GPC5: variants seen among roughly 807,000 people sequenced by gnomAD.
GPC5 encodes glypican-5.
Under a neutral mutation model 53.9 loss-of-function variants are expected in GPC5, and 47 were observed. The ratio of observed to expected loss-of-function variants is 0.87; its 90% CI spans 0.69 to 1.11. The LOEUF (loss-of-function observed/expected upper bound fraction) is 1.11. Ranked by LOEUF, GPC5 falls within the 50% of genes most tolerant of loss-of-function variation. The pLI is 0.00. For synonymous variants in GPC5, 286 were observed against 263.3 expected, an observed-to-expected ratio of 1.09 and a Z score of -0.84; for missense variants, 748 against 713.1, an observed-to-expected ratio of 1.05 and a Z score of -0.56.
At chr13:91,930,257 C>G (rs2039809093) in intron 6 of GPC5, among the ~76,000 whole-genome samples, 1 of 151,780 alleles carries the variant, frequency 6.6e-6, no homozygotes, top group East Asian at 1.9e-4. Flanking sequence ...AAAAGAACAC[C>G]AAAGAACATC....
chr13:91,547,729 C>CAACAAAAT (rs2030378345), intron 2 of GPC5, among the ~76,000 whole-genome samples: 1 of 151,972 alleles, frequency 6.6e-6, no homozygotes, highest in African/African-American at 2.4e-5. Flanking sequence ...TGCAAATCCT[C>CAACAAAAT]AACAAAATAT....
intron 7 of GPC5, among the ~76,000 whole-genome samples, chr13:92,261,962 G>A (rs2042770440): frequency 1.3e-5 from 2 of 152,088 alleles, no homozygotes; most frequent in Non-Finnish European, 2.9e-5. Context: ...GTGTGAGATA[G>A]GTATACAAAT....
intron 7 of GPC5, among the ~76,000 whole-genome samples, chr13:92,712,080 C>CA (rs746617601): frequency 1.7e-4 from 25 of 149,438 alleles, no homozygotes; most frequent in Admixed American, 1.1e-3. Context: ...AAATTTAAAA[C>CA]AAAAAATAAA....
At chr13:91,690,066 A>G (rs1410023450) in intron 2 of GPC5, among the ~76,000 whole-genome samples, 4 of 152,198 alleles carry the variant, frequency 2.6e-5, no homozygotes, top group Non-Finnish European at 4.4e-5. Flanking sequence ...TATGATGGCT[A>G]TGATGTCACT....
At chr13:92,431,244 G>T (rs1044710355) in intron 7 of GPC5, among the ~76,000 whole-genome samples, 1 of 151,996 alleles carries the variant, frequency 6.6e-6, no homozygotes, top group Non-Finnish European at 1.5e-5. Flanking sequence ...TCTCAAGAAA[G>T]TTTCATTCAA....
At chr13:91,804,360 A>G (rs2038186496) in intron 5 of GPC5, among the ~76,000 whole-genome samples, 2 of 152,318 alleles carry the variant, frequency 1.3e-5, no homozygotes, top group East Asian at 1.9e-4. Flanking sequence ...GTACTCACTC[A>G]TGGTCCTTGC....
intron 7 of GPC5, among the ~76,000 whole-genome samples, chr13:92,642,011 G>A (rs985858803): frequency 6.6e-6 from 1 of 152,026 alleles, no homozygotes; most frequent in African/African-American, 2.4e-5. Context: ...TTCAAAGCAT[G>A]TTTAACCTGT....
chr13:91,415,610 C>CTGAGTTCAAATT (rs1252843385), intron 1 of GPC5, among the ~76,000 whole-genome samples: 3 of 152,096 alleles, frequency 2.0e-5, no homozygotes, highest in Non-Finnish European at 4.4e-5. Context: ...CCATTCTTGT[C>CTGAGTTCAAATT]TGACCAATCT....
chr13:92,435,863 A>C (rs1877284959), intron 7 of GPC5, among the ~76,000 whole-genome samples: 1 of 152,218 alleles, frequency 6.6e-6, no homozygotes, highest in Non-Finnish European at 1.5e-5. Context: ...GCATTCAGGG[A>C]ATTTTAAGAC....
intron 5 of GPC5, among the ~76,000 whole-genome samples, chr13:91,884,394 A>G (rs1305716737): frequency 6.6e-6 from 1 of 152,220 alleles, no homozygotes; most frequent in African/African-American, 2.4e-5. Flanking sequence ...TGTGGTACAT[A>G]TACACCATGG....
At chr13:92,460,629 A>G (rs1490416552) in intron 7 of GPC5, among the ~76,000 whole-genome samples, 1 of 152,128 alleles carries the variant, frequency 6.6e-6, no homozygotes, top group Admixed American at 6.5e-5. Flanking sequence ...TGTGTGACTC[A>G]CTCTACAAAT....
At chr13:92,712,992 A>T (rs1043924763) in intron 7 of GPC5, among the ~76,000 whole-genome samples, 1 of 151,966 alleles carries the variant, frequency 6.6e-6, no homozygotes, top group East Asian at 1.9e-4. Context: ...ACCTGTGAGA[A>T]TTTTTTTTAA....
intron 7 of GPC5, among the ~76,000 whole-genome samples, chr13:92,539,424 TG>T (rs1881851830): frequency 6.6e-6 from 1 of 152,168 alleles, no homozygotes; most frequent in African/African-American, 2.4e-5. Flanking sequence ...TGACCAGTGA[TG>T]ATGAGCATTT....
chr13:91,968,226 A>G (rs770295956), intron 6 of GPC5, among the ~76,000 whole-genome samples: 2 of 151,906 alleles, frequency 1.3e-5, no homozygotes, highest in Admixed American at 6.6e-5. Context: ...TATATTCCTC[A>G]TGTATTTTTT....
At chr13:91,849,118 T>C (rs987002743) in intron 5 of GPC5, among the ~76,000 whole-genome samples, 11 of 152,186 alleles carry the variant, frequency 7.2e-5, no homozygotes, top group African/African-American at 2.7e-4. Flanking sequence ...CTTCTACCTG[T>C]GTGCTGCAAA....
chr13:91,933,624 T>C (rs1214039116), intron 6 of GPC5, among the ~76,000 whole-genome samples: 2 of 151,930 alleles, frequency 1.3e-5, no homozygotes, highest in Non-Finnish European at 2.9e-5. Flanking sequence ...TTTTCTCAGG[T>C]ATTAGCTAGG....
At chr13:91,634,692 A>T (rs1375183508) in intron 2 of GPC5, among the ~76,000 whole-genome samples, 1 of 152,054 alleles carries the variant, frequency 6.6e-6, no homozygotes, top group Non-Finnish European at 1.5e-5. Context: ...TGGAGCTTGA[A>T]ATTAATATAG....
rs562844614 is a variant in GPC5 at position 92,202,630 on chromosome 13, G to A, written c.1561+57641G>A. 1.6e-4 allele frequency among the ~76,000 whole-genome samples: 24 copies of A among 152,210 alleles called. 1 individual carries two copies. The highest frequency in any genetic ancestry group is 6.8e-3 in the Middle Eastern group (2 of 294). ...CGGTAATCTTTCTCAGAGGCCACAGGCAGTTTTAGTGCCCATTTATTGAAA... is the reference window on the plus strand; with the variant it reads ...CGGTAATCTTTCTCAGAGGCCACAGACAGTTTTAGTGCCCATTTATTGAAA... On this transcript the variant is annotated intron_variant, in intron 7 of 7. Coordinates refer to ENST00000377067, the MANE Select transcript of GPC5 (RefSeq NM_004466.6).
chr13:91,889,560 T>A (rs2039362667), intron 5 of GPC5, among the ~76,000 whole-genome samples: 1 of 152,128 alleles, frequency 6.6e-6, no homozygotes, highest in Non-Finnish European at 1.5e-5. Flanking sequence ...TAAAATGAAA[T>A]TACACATTCA....
Sources: gnomAD v4.1 joint callset for allele counts (sites outside exome capture counted in the v4.1 genomes callset) on GRCh38, gnomAD v4.1.1 for gene constraint, MANE v1.5 for transcripts, NCBI Gene and HGNC (gene_info 2026-07-23, HGNC 2026-07-21) for gene names.